The following GLS variants were observed in gnomAD, a reference collection of about 807,000 sequenced individuals.
GLS encodes the protein glutaminase kidney isoform, mitochondrial.
In GLS, 36 loss-of-function variants were observed where a neutral mutation model predicts 86.7. The ratio of observed to expected loss-of-function variants is 0.42; its 90% confidence interval spans 0.32 to 0.55. The LOEUF (loss-of-function observed/expected upper bound fraction) is 0.55, where lower values mean the gene tolerates loss of function less well. Ranked by LOEUF, GLS falls within the 20% of genes least tolerant of loss-of-function variation. The pLI is 0.17. For missense variants in GLS, 528 were observed against 833.4 expected (o/e 0.63, Z 4.51); for synonymous variants, 317 against 305.9 (o/e 1.04, Z -0.38).
Position 190,921,456 on chromosome 2 carries a change from A to G in GLS, c.1130+253A>G, listed in dbSNP as rs565597611. 6.6e-6 allele frequency among the ~76,000 whole-genome samples: 1 copy of G among 151,940 alleles called. No individual in the cohort carries two copies. The highest frequency in any genetic ancestry group is 6.5e-5 in the Admixed American group (1 of 15,274). ...GTAATACCTGTCTTACCTCTCTTCT[A>G]TTTCTGTTCCAGGCTATCTGGATTT... On this transcript the variant is annotated intron_variant, in intron 9 of 17. Coordinates refer to ENST00000320717, the MANE Select transcript of GLS (RefSeq NM_014905.5). The surrounding 1 kb of genome is among the most constrained non-coding windows in gnomAD (Gnocchi z 4.2).
At chr2:190,881,843 C>A in intron 1 of GLS, 1 of 194,036 alleles carries the variant, frequency 5.2e-6, no homozygotes, top group Non-Finnish European at 1.1e-5. Context: ...CCCAGCCATT[C>A]GTGGGCGATG....
In GLS at chr2:190,913,106, T is replaced by C. The variant is rs773769563; in HGVS notation, c.1038+2785T>C. ...TGCCATTAAAATCATTTTCTTCATG[T>C]TAATCCCCCCACCCCAAAATTAAGT... On this transcript the variant is annotated intron_variant, in intron 7 of 17. Transcript: ENST00000320717. This position sits in a 1 kb window ranked among gnomAD's most constrained non-coding sequence, Gnocchi z 6.1. The C allele has an allele frequency of 8.9e-5, 105 of 1,185,546 alleles. No homozygotes were observed. Among genetic ancestry groups the C allele is most frequent in the Non-Finnish European group, 1.2e-4 (104 of 883,704 alleles). The allele number at this position is 1,185,546 out of a possible 1,614,324, so 73.4% of individuals were successfully genotyped here.
At chr2:190,892,298 A>G (rs1277358691) in intron 1 of GLS, among the ~76,000 whole-genome samples, 1 of 152,224 alleles carries the variant, frequency 6.6e-6, no homozygotes, top group Admixed American at 6.5e-5. Flanking sequence ...GTTGGAGAAG[A>G]AGTAAAAAGG....
chr2:190,935,670 A>G lies in GLS; in HGVS notation c.1650+4033A>G, dbSNP rs1179970753. Among the ~76,000 whole-genome samples the G allele has an allele frequency of 6.6e-6, 1 of 151,286 alleles. No individual in the cohort carries two copies. The highest frequency in any genetic ancestry group is 1.5e-5 in the Non-Finnish European group (1 of 67,300). ...AGGAGGAATATTGTTGTTATTCACT[A>G]TGTAACTCTCATTTTATCTGTTGTT... On this transcript the variant is annotated intron_variant, in intron 14 of 17. Transcript: ENST00000320717. The surrounding 1 kb of genome is among the most constrained non-coding windows in gnomAD (Gnocchi z 4.2).
chr2:190,962,769 G>A lies in GLS; in HGVS notation c.1854-61G>A. On this transcript the variant is annotated intron_variant, in intron 17 of 17. Coordinates refer to ENST00000320717, the MANE Select transcript of GLS (RefSeq NM_014905.5). This position sits in a 1 kb window ranked among gnomAD's most constrained non-coding sequence, Gnocchi z 4.2. ...CTGCATTTAAAATCTAGGAATGTGG[G>A]GTGATCATCTTTGTACATAAATTAC... 1 of 1,077,856 alleles carries A rather than the reference G, an allele frequency of 9.3e-7. No individual in the cohort carries two copies. Among genetic ancestry groups the A allele is most frequent in the Non-Finnish European group, 1.3e-6 (1 of 798,576 alleles). The allele number at this position is 1,077,856 out of a possible 1,614,324, so 66.8% of individuals were successfully genotyped here.
intron 1 of GLS, among the ~76,000 whole-genome samples, chr2:190,894,343 G>T (rs551423966): frequency 0.016 from 1,586 of 98,226 alleles, 79 homozygotes; most frequent in Admixed American, 0.14. Context: ...TCTTTTGAAT[G>T]TACGTTTTTT....
chr2:190,883,689 T>A (rs559837772), intron 1 of GLS, among the ~76,000 whole-genome samples: 1 of 152,344 alleles, frequency 6.6e-6, no homozygotes, highest in Admixed American at 6.5e-5. Context: ...ATGTTTATCT[T>A]GAGAAATTGC....
chr2:190,926,125 A>G (rs925908855), intron 11 of GLS, among the ~76,000 whole-genome samples: 1 of 152,220 alleles, frequency 6.6e-6, no homozygotes, highest in African/African-American at 2.4e-5. Flanking sequence ...TTGAACGGCC[A>G]TTGAGATTAG....
chr2:190,919,861 G>T (rs554338514), intron 7 of GLS: 53 of 188,900 alleles, frequency 2.8e-4, no homozygotes, highest in African/African-American at 1.2e-3. Context: ...AGTTTTGTTA[G>T]TGCCTAATTT....
At chr2:190,918,902 CAT>C (rs1308272907) in intron 7 of GLS, among the ~76,000 whole-genome samples, 1 of 152,036 alleles carries the variant, frequency 6.6e-6, no homozygotes, top group Non-Finnish European at 1.5e-5. Context: ...GCAGTCAGAA[CAT>C]ATACAACATT....
chr2:190,900,499 G>A (rs909052791), intron 3 of GLS, 65 bp from the exon 4 acceptor site: 10 of 856,802 alleles, frequency 1.2e-5, no homozygotes, highest in Non-Finnish European at 1.8e-5. Context: ...AATTATTACT[G>A]TTATTACCAA....
chr2:190,927,601 G>C (rs547604640), intron 12 of GLS, 119 bp downstream of exon 12: 1 of 657,564 alleles, frequency 1.5e-6, no homozygotes, highest in African/African-American at 1.9e-5. Context: ...AGAGAGGCTT[G>C]TTTTCAAGGT....
At chr2:190,961,069 ATG>A (rs1047735256) in intron 17 of GLS, among the ~76,000 whole-genome samples, 3 of 152,236 alleles carry the variant, frequency 2.0e-5, no homozygotes, top group African/African-American at 7.2e-5. Context: ...GCCTCTAGGA[ATG>A]TGAAAGTAGA....
intron 3 of GLS, among the ~76,000 whole-genome samples, chr2:190,898,460 C>T (rs1253698151): frequency 1.3e-5 from 2 of 152,082 alleles, no homozygotes; most frequent in South Asian, 2.1e-4. Context: ...CAAGAAAAAC[C>T]TTACTGTTTG....
At chr2:190,936,627 A>G (rs1690278458) in intron 14 of GLS, among the ~76,000 whole-genome samples, 1 of 151,124 alleles carries the variant, frequency 6.6e-6, no homozygotes, top group South Asian at 2.1e-4. Context: ...CTGCCAGGGT[A>G]AGAGAGTAAC....
At chr2:190,934,726 T>C (rs1690216786) in intron 14 of GLS, 4 of 973,528 alleles carry the variant, frequency 4.1e-6, no homozygotes, top group Admixed American at 1.2e-4. Flanking sequence ...CAAAATTAGG[T>C]TGTTAATTTG....
intron 14 of GLS, chr2:190,934,010 A>T (rs964130947): frequency 3.7e-5 from 36 of 964,290 alleles, no homozygotes; most frequent in Admixed American, 1.2e-4. Flanking sequence ...TATTCATAGT[A>T]TTTATAGTTG....
chr2:190,939,436 G>A (rs10497710), intron 14 of GLS, among the ~76,000 whole-genome samples: 2 of 151,538 alleles, frequency 1.3e-5, no homozygotes, highest in East Asian at 1.9e-4. Context: ...ACAAGTTTCA[G>A]TATAAACTCA....
rs1035874298 is a variant in GLS, at chr2:190,938,095, A to T, written c.1650+6458A>T. On this transcript the variant is annotated intron_variant, in intron 14 of 17. Transcript: ENST00000320717. The surrounding 1 kb of genome is among the most constrained non-coding windows in gnomAD (Gnocchi z 4.1). ...AAATTATATACCACATCTCAATGGC[A>T]AAGAATAATTCATTGTATTTATTTT... Among the ~76,000 whole-genome samples, 11 of 151,488 alleles carry T rather than the reference A, an allele frequency of 7.3e-5. No individual in the cohort carries two copies. The highest frequency in any genetic ancestry group is 2.7e-4 in the African/African-American group (11 of 41,500).
Sources: allele counts gnomAD v4.1 joint callset (sites outside exome capture counted in the v4.1 genomes callset), GRCh38; gene constraint gnomAD v4.1.1; non-coding constraint Gnocchi (gnomAD v3.1); transcripts MANE v1.5; gene names NCBI Gene and HGNC (gene_info 2026-07-23, HGNC 2026-07-21).